Variants in LMO7 observed in about 807,000 individuals in gnomAD.
The protein encoded by LMO7 is LIM domain 7.
Under a neutral mutation model 206.5 loss-of-function variants are expected in LMO7, and 120 were observed. The observed-to-expected ratio is 0.58, with a 90% confidence interval of 0.50 to 0.68. LMO7 has a LOEUF of 0.68. LMO7 is among the 30% of genes least tolerant of loss of function. LMO7 has a pLI of 0.00. For missense variants in LMO7, 1,959 were observed against 1,957.9 expected (o/e 1.00, Z -0.01); for synonymous variants, 706 against 681.5 (o/e 1.04, Z -0.56).
At position 75,736,472 on chromosome 13, in the gene LMO7, G is replaced by A. The variant is rs527890; in HGVS notation, c.210+9374G>A. Among the ~76,000 whole-genome samples the A allele has an allele frequency of 5.4e-3, 823 of 152,328 alleles. 16 individuals carry two copies. The highest frequency in any genetic ancestry group is 0.019 in the African/African-American group (769 of 41,562). ...GGACTAAAAGGATAATATACAGATGGTCTGACATGCAGATAGTCAAAGAAT... is the reference window on the plus strand; with the variant it reads ...GGACTAAAAGGATAATATACAGATGATCTGACATGCAGATAGTCAAAGAAT... On this transcript the variant is annotated intron_variant, in intron 3 of 30. Coordinates refer to ENST00000377534, the MANE Select transcript of LMO7 (RefSeq NM_001306080.2).
At chr13:75,711,604 C>T (rs545430866) in intron 1 of LMO7, among the ~76,000 whole-genome samples, 56 of 152,322 alleles carry the variant, frequency 3.7e-4, no homozygotes, top group African/African-American at 1.3e-3. Context: ...GGCTCACGCT[C>T]GGTGCGCTGC....
chr13:75,807,612 C>T lies in LMO7; in HGVS notation c.1329C>T (p.Gly443=). Reference sequence around the variant, plus strand: ...GGAAGAATCTCTCTTATGCACCAGGCTATAGAAGAGATGACCTCGAGATGG... The same window carrying T: ...GGAAGAATCTCTCTTATGCACCAGGTTATAGAAGAGATGACCTCGAGATGG... ...TRRKNLSYAP[G]YRRDDLEMAA... Residue 443 remains glycine (G), a synonymous_variant, in exon 10 of 31, where the codon GGC becomes GGT. Transcript: ENST00000377534. 1 of 1,613,968 alleles carries T rather than the reference C, an allele frequency of 6.2e-7. No homozygotes were observed. Among genetic ancestry groups the T allele is most frequent in the Non-Finnish European group, 8.5e-7 (1 of 1,179,886 alleles).
intron 3 of LMO7, among the ~76,000 whole-genome samples, chr13:75,746,950 G>A (rs1160335818): frequency 6.6e-6 from 1 of 151,854 alleles, no homozygotes; most frequent in Non-Finnish European, 1.5e-5. Context: ...TTGGCCTTAG[G>A]ACTTTGTGCT....
intron 4 of LMO7, among the ~76,000 whole-genome samples, chr13:75,788,452 CAAAA>C (rs10638523): frequency 1.7e-5 from 1 of 59,966 alleles, no homozygotes; most frequent in Non-Finnish European, 3.3e-5. Flanking sequence ...AACTCTGCCT[CAAAA>C]AAAAAAAAAA....
intron 3 of LMO7, 86 bp from the exon 4 acceptor site, chr13:75,760,846 A>T: frequency 6.4e-7 from 1 of 1,573,110 alleles, no homozygotes; most frequent in Non-Finnish European, 8.6e-7. Flanking sequence ...TTGGACTTTG[A>T]AGCTTCGAAG....
chr13:75,858,993 A>G lies in LMO7; in HGVS notation c.*1050A>G, dbSNP rs2061148347. ...TGAATTGTTGGATCATTTGAATAAA[A>G]TCTTTTACTAACCCCATGATAAAAG... On this transcript the variant is annotated 3_prime_UTR_variant, in exon 31 of 31. Coordinates refer to ENST00000377534, the MANE Select transcript of LMO7 (RefSeq NM_001306080.2). 6.6e-6 allele frequency: 1 copy of G among 152,206 alleles called. No homozygotes were observed. Among genetic ancestry groups the G allele is most frequent in the Admixed American group, 6.5e-5 (1 of 15,286 alleles). 9.4% of individuals were successfully genotyped at this position (152,206 alleles called of 1,614,324 possible). A position where few individuals can be genotyped will look rare whatever the true frequency, so the allele number is the denominator to read the frequency against.
In LMO7 at chr13:75,642,893, T is replaced by C. The variant is rs144743391; in HGVS notation, c.69+6167T>C. Among the ~76,000 whole-genome samples the C allele has an allele frequency of 1.6e-3, 247 of 152,294 alleles. 3 individuals are homozygous for C. The highest frequency in any genetic ancestry group is 5.8e-3 in the African/African-American group (239 of 41,560). On this transcript the variant is annotated intron_variant, in intron 1 of 30. Transcript: ENST00000377534. ...AAACATTTATGTAACAAATGACCCATTGGGTTTCCTCCAGTGAGGAAGGAT... is the reference window on the plus strand; with the variant it reads ...AAACATTTATGTAACAAATGACCCACTGGGTTTCCTCCAGTGAGGAAGGAT...
rs183463697 is a variant in LMO7 at position 75,685,662 on chromosome 13, C to T, written c.70-27520C>T. ...AATGAAACCAGAGTTTCAGGCTTAC[C>T]TTTGAATGCATAGCTCTCTGAGGCC... is the stretch of plus-strand genomic sequence containing the variant. On this transcript the variant is annotated intron_variant, in intron 1 of 30. Transcript: ENST00000377534. Among the ~76,000 whole-genome samples, 9 of 152,094 alleles carry T rather than the reference C, an allele frequency of 5.9e-5. No individual in the cohort carries two copies. In the East Asian group the frequency reaches 1.5e-3, roughly 26 times the overall value.
intron 3 of LMO7, among the ~76,000 whole-genome samples, chr13:75,735,620 C>A (rs1043470167): frequency 2.7e-5 from 4 of 150,842 alleles, no homozygotes; most frequent in African/African-American, 9.7e-5. Context: ...CGGCACCACA[C>A]GCAGCTAATT....
At chr13:75,841,497 T>C in intron 23 of LMO7, 131 bp from the exon 24 acceptor site, 1 of 677,312 alleles carries the variant, frequency 1.5e-6, no homozygotes. Flanking sequence ...TAAAAACTCT[T>C]AACATGTTTT....
intron 6 of LMO7, among the ~76,000 whole-genome samples, chr13:75,797,474 A>C (rs2054180004): frequency 6.6e-6 from 1 of 152,202 alleles, no homozygotes; most frequent in Non-Finnish European, 1.5e-5. Flanking sequence ...TTATTCAGGG[A>C]AATTTGTAGG....
At chr13:75,692,571 A>T (rs559932492) in intron 1 of LMO7, among the ~76,000 whole-genome samples, 1 of 151,664 alleles carries the variant, frequency 6.6e-6, no homozygotes, top group Non-Finnish European at 1.5e-5. Flanking sequence ...ATTTTTTTGT[A>T]CGTAGGGTCT....
intron 1 of LMO7, among the ~76,000 whole-genome samples, chr13:75,701,916 C>A (rs1317405468): frequency 6.6e-6 from 1 of 152,062 alleles, no homozygotes; most frequent in Non-Finnish European, 1.5e-5. Flanking sequence ...ACATAAATTG[C>A]CAGTCCTGGA....
chr13:75,645,475 T>A (rs1467417930), intron 1 of LMO7, among the ~76,000 whole-genome samples: 1 of 152,168 alleles, frequency 6.6e-6, no homozygotes, highest in Non-Finnish European at 1.5e-5. Flanking sequence ...ATTGTACCAC[T>A]GCACTCTAGC....
At chr13:75,658,255 G>A (rs943697580) in intron 1 of LMO7, among the ~76,000 whole-genome samples, 29 of 152,128 alleles carry the variant, frequency 1.9e-4, no homozygotes, top group African/African-American at 6.7e-4. Flanking sequence ...CAGATAGGTA[G>A]TGTATCTTCA....
upstream of LMO7, among the ~76,000 whole-genome samples, chr13:75,634,785 G>A (rs1249343320): frequency 1.3e-5 from 2 of 151,074 alleles, no homozygotes; most frequent in South Asian, 2.1e-4. Context: ...GAGGTGGGTG[G>A]ATCACCTGAG....
At chr13:75,717,882 A>G (rs1326964015) in intron 2 of LMO7, among the ~76,000 whole-genome samples, 3 of 152,238 alleles carry the variant, frequency 2.0e-5, no homozygotes, top group Non-Finnish European at 4.4e-5. Context: ...AGTTGCTTAC[A>G]TACAGTGCTC....
intron 1 of LMO7, among the ~76,000 whole-genome samples, chr13:75,705,470 CAAGA>C (rs530587619): frequency 6.4e-4 from 97 of 152,142 alleles, no homozygotes; most frequent in African/African-American, 2.2e-3. Context: ...AAGGGGCAAA[CAAGA>C]AAGAGAAGAA....
chr13:75,766,237 C>CTTTTTTTTTTTTTTTTTTTTTTTTTTTTT (rs10604656), intron 4 of LMO7, among the ~76,000 whole-genome samples: 1 of 126,096 alleles, frequency 7.9e-6, no homozygotes, highest in Non-Finnish European at 1.7e-5. Context: ...TTCCCTCAGT[C>CTTTTTTTTTTTTTTTTTTTTTTTTTTTTT]TTTTTTTTTT....
Sources: allele counts gnomAD v4.1 joint callset (sites outside exome capture counted in the v4.1 genomes callset), GRCh38; gene constraint gnomAD v4.1.1; transcripts MANE v1.5; gene names NCBI Gene and HGNC (gene_info 2026-07-23, HGNC 2026-07-21).